The following NCKAP5 variants were observed in gnomAD, a reference collection of about 807,000 sequenced individuals.
The protein encoded by NCKAP5 is nck-associated protein 5.
A neutral mutation model predicts 167.0 loss-of-function variants in NCKAP5; 92 were observed. The ratio of observed to expected loss-of-function variants is 0.55; its 90% CI spans 0.47 to 0.66. NCKAP5 has a LOEUF of 0.66. NCKAP5 is among the 30% of genes least tolerant of loss of function. NCKAP5 has a pLI of 0.00. For missense variants in NCKAP5, 2,378 were observed against 2,315.0 expected (o/e 1.03, Z -0.56); for synonymous variants, 891 against 877.4 (o/e 1.02, Z -0.27).
upstream of NCKAP5, among the ~76,000 whole-genome samples, chr2:133,571,691 A>C (rs903207609): frequency 8.5e-5 from 13 of 152,162 alleles, no homozygotes; most frequent in African/African-American, 3.1e-4. Flanking sequence ...TGGAGTAAAA[A>C]ACAGCCAAAA....
intron 16 of NCKAP5, among the ~76,000 whole-genome samples, chr2:132,743,169 C>T (rs1209166384): frequency 2.0e-5 from 3 of 151,746 alleles, no homozygotes; most frequent in Non-Finnish European, 3.0e-5. Flanking sequence ...GAAGTGAGCC[C>T]TACAGTTACT....
chr2:133,183,231 A>T (rs1162054548), intron 5 of NCKAP5, among the ~76,000 whole-genome samples: 1 of 150,310 alleles, frequency 6.7e-6, no homozygotes, highest in Non-Finnish European at 1.5e-5. Flanking sequence ...TTCAGAAAAT[A>T]CAACAAGAGG....
At chr2:133,071,183 G>A (rs1424292441) in intron 6 of NCKAP5, among the ~76,000 whole-genome samples, 1 of 152,194 alleles carries the variant, frequency 6.6e-6, no homozygotes, top group African/African-American at 2.4e-5. Context: ...AAGCTGAGCT[G>A]CAGAAAAAGT....
chr2:132,747,009 T>C (rs1444475225), intron 16 of NCKAP5, among the ~76,000 whole-genome samples: 1 of 152,040 alleles, frequency 6.6e-6, no homozygotes, highest in Non-Finnish European at 1.5e-5. Context: ...AAGGAGTATT[T>C]TGGGGTGATG....
the NCKAP5 span, among the ~76,000 whole-genome samples, chr2:133,597,756 T>C: frequency 2.8e-4 from 42 of 148,388 alleles, no homozygotes; most frequent in African/African-American, 1.0e-3. Flanking sequence ...CTCTCATGCC[T>C]CTGGCTTAGT....
At chr2:132,866,562 T>A (rs552849755) in intron 10 of NCKAP5, among the ~76,000 whole-genome samples, 2 of 151,904 alleles carry the variant, frequency 1.3e-5, no homozygotes, top group South Asian at 4.2e-4. Flanking sequence ...TGGAAATAAT[T>A]TTTTTTTTCT....
At position 132,868,979 on chromosome 2, in the gene NCKAP5, A is replaced by G; in HGVS notation, c.649-5T>C. The G allele has an allele frequency of 6.5e-7, 1 of 1,536,736 alleles. No individual in the cohort carries two copies. The highest frequency in any genetic ancestry group is 2.4e-5 in the East Asian group (1 of 40,820). ...TTGAACAACTTGGTTGGCTACCTTTAAAAAATAAAGAAAAAGTTGTCATTT... is the reference window on the plus strand; with the variant it reads ...TTGAACAACTTGGTTGGCTACCTTTGAAAAATAAAGAAAAAGTTGTCATTT... On this transcript the variant is annotated splice_polypyrimidine_tract_variant and splice_region_variant and intron_variant, in intron 9 of 19. Transcript: ENST00000409261.
At chr2:133,362,382 G>A (rs2077766) in intron 3 of NCKAP5, among the ~76,000 whole-genome samples, 2 of 152,182 alleles carry the variant, frequency 1.3e-5, no homozygotes, top group East Asian at 1.9e-4. Flanking sequence ...TGAGACTGTG[G>A]AAGTTTGCTG....
At chr2:133,357,240 A>G (rs2150846529) in intron 3 of NCKAP5, among the ~76,000 whole-genome samples, 1 of 151,978 alleles carries the variant, frequency 6.6e-6, no homozygotes, top group Non-Finnish European at 1.5e-5. Flanking sequence ...TTCCAAAATT[A>G]TAGTCACTCA....
At chr2:132,946,548 G>A (rs1394252989) in intron 8 of NCKAP5, among the ~76,000 whole-genome samples, 1 of 152,114 alleles carries the variant, frequency 6.6e-6, no homozygotes, top group Non-Finnish European at 1.5e-5. Flanking sequence ...ACAAGGAAAT[G>A]AAAACTTAAC....
chr2:133,411,613 T>C (rs1392387105), intron 3 of NCKAP5, among the ~76,000 whole-genome samples: 10 of 152,152 alleles, frequency 6.6e-5, no homozygotes, highest in Non-Finnish European at 1.3e-4. Flanking sequence ...TTGGAAAAGC[T>C]AGCAGCAGCA....
intron 3 of NCKAP5, among the ~76,000 whole-genome samples, chr2:133,503,417 C>T (rs764019159): frequency 1.3e-5 from 2 of 152,184 alleles, no homozygotes; most frequent in African/African-American, 4.8e-5. Flanking sequence ...AAAACAGAGG[C>T]TCAGAAGAGG....
chr2:133,154,148 T>C (rs2083485925), intron 5 of NCKAP5, among the ~76,000 whole-genome samples: 1 of 152,156 alleles, frequency 6.6e-6, no homozygotes, highest in South Asian at 2.1e-4. Flanking sequence ...GGCCAGTTCC[T>C]CCTTCTTGAA....
intron 8 of NCKAP5, among the ~76,000 whole-genome samples, chr2:132,963,334 A>G (rs1265381716): frequency 2.0e-5 from 3 of 152,158 alleles, no homozygotes; most frequent in Non-Finnish European, 4.4e-5. Flanking sequence ...TGTGTGTCCA[A>G]TCATCTTTAC....
intron 4 of NCKAP5, among the ~76,000 whole-genome samples, chr2:133,270,243 A>ATATT (rs1449461146): frequency 1.3e-5 from 2 of 152,222 alleles, no homozygotes; most frequent in Non-Finnish European, 2.9e-5. Context: ...TTGCAAAACT[A>ATATT]TATTTTGTTA....
At chr2:132,686,074 G>A (rs1685898779) in intron 19 of NCKAP5, among the ~76,000 whole-genome samples, 1 of 152,154 alleles carries the variant, frequency 6.6e-6, no homozygotes, top group Non-Finnish European at 1.5e-5. Flanking sequence ...CCCAATGGCT[G>A]GGTAGGGGCA....
At chr2:133,388,521 A>G (rs1410263345) in intron 3 of NCKAP5, among the ~76,000 whole-genome samples, 1 of 152,202 alleles carries the variant, frequency 6.6e-6, no homozygotes, top group East Asian at 1.9e-4. Flanking sequence ...CCGTTCTCAG[A>G]TCTCAACCTC....
At chr2:133,444,780 A>T (rs1000855254) in intron 3 of NCKAP5, among the ~76,000 whole-genome samples, 2 of 152,068 alleles carry the variant, frequency 1.3e-5, no homozygotes, top group African/African-American at 4.8e-5. Flanking sequence ...GCTCCTCTGA[A>T]CTCCAGGCCT....
At chr2:132,821,821 G>C (rs1187251225) in intron 11 of NCKAP5, among the ~76,000 whole-genome samples, 4 of 152,078 alleles carry the variant, frequency 2.6e-5, no homozygotes, top group African/African-American at 9.7e-5. Flanking sequence ...TAACCCCATT[G>C]GCCTGAGAAT....
Sources: allele counts gnomAD v4.1 joint callset (sites outside exome capture counted in the v4.1 genomes callset), GRCh38; gene constraint gnomAD v4.1.1; transcripts MANE v1.5; gene names NCBI Gene and HGNC (gene_info 2026-07-23, HGNC 2026-07-21).